Variants in SLC12A7 observed in about 807,000 individuals in gnomAD.
SLC12A7 encodes K-Cl cotransporter 4.
In SLC12A7, 100 loss-of-function variants were observed where a neutral mutation model predicts 120.6. The ratio of observed to expected loss-of-function variants is 0.83; its 90% CI spans 0.71 to 0.98. The LOEUF (loss-of-function observed/expected upper bound fraction) is 0.98, where lower values mean the gene tolerates loss of function less well. Ranked by LOEUF, SLC12A7 falls within the 50% of genes least tolerant of loss-of-function variation. The pLI is 0.00. For missense variants in SLC12A7, 1,373 were observed against 1,548.1 expected (o/e 0.89, Z 1.90); for synonymous variants, 760 against 678.0 (o/e 1.12, Z -1.88).
the SLC12A7 span, among the ~76,000 whole-genome samples, chr5:1,122,743 C>CCAGCATCTCTTTCAT: frequency 6.6e-6 from 1 of 152,232 alleles, no homozygotes; most frequent in African/African-American, 2.4e-5. Context: ...GTAGCCCGTG[C>CCAGCATCTCTTTCAT]CAGCATCTCT....
At chr5:1,154,517 C>A in the SLC12A7 span, among the ~76,000 whole-genome samples, 1 of 151,990 alleles carries the variant, frequency 6.6e-6, no homozygotes, top group African/African-American at 2.4e-5. Flanking sequence ...ATACACATAC[C>A]ACACAGCACA....
At position 1,064,071 on chromosome 5, in the gene SLC12A7, C is replaced by T. The variant is rs761510641; in HGVS notation, c.2607+12G>A. 45 of 1,602,500 alleles carry T rather than the reference C, an allele frequency of 2.8e-5. No individual in the cohort carries two copies. Among genetic ancestry groups the T allele is most frequent in the Non-Finnish European group, 3.7e-5 (43 of 1,173,398 alleles). On this transcript the variant is annotated intron_variant, in intron 19 of 23. Transcript: ENST00000264930. Reference sequence around the variant, plus strand: ...CGTGCTCCGGCTGGCGTGTCCCCGTCGCACGCCCCACCTTGTGCTGGCGCA... The same window carrying T: ...CGTGCTCCGGCTGGCGTGTCCCCGTTGCACGCCCCACCTTGTGCTGGCGCA...
intron 20 of SLC12A7, among the ~76,000 whole-genome samples, chr5:1,061,042 T>C (rs552970124): frequency 0.011 from 1,403 of 122,346 alleles, 43 homozygotes; most frequent in African/African-American, 0.047. Context: ...CCGTGCGGGA[T>C]CCCTGAGTCT....
the SLC12A7 span, among the ~76,000 whole-genome samples, chr5:1,138,379 T>C: frequency 6.6e-6 from 1 of 152,212 alleles, no homozygotes; most frequent in Non-Finnish European, 1.5e-5. Context: ...GCTCCATTTT[T>C]ACAGAGTGCT....
rs535838654 is a variant in SLC12A7, at chr5:1,100,502, G to A, written c.125-6254C>T. Among the ~76,000 whole-genome samples, 14 of 152,348 alleles carry A rather than the reference G, an allele frequency of 9.2e-5. No homozygotes were observed. The South Asian group carries it at 1.0e-3, about 11-fold the overall frequency. On this transcript the variant is annotated intron_variant, in intron 1 of 23. Transcript: ENST00000264930. ...CAAAGGCAAGCCCATCTGCGGATCCGACAGTGGGAACCAAAACCAAACGAG... is the reference window on the plus strand; with the variant it reads ...CAAAGGCAAGCCCATCTGCGGATCCAACAGTGGGAACCAAAACCAAACGAG...
intron 7 of SLC12A7, among the ~76,000 whole-genome samples, chr5:1,084,813 G>C (rs1202442719): frequency 1.3e-5 from 2 of 152,104 alleles, no homozygotes; most frequent in Non-Finnish European, 2.9e-5. Flanking sequence ...CAGGACCCTG[G>C]GCCGCCTCCC....
At position 1,057,625 on chromosome 5, in the gene SLC12A7, T is replaced by C. The variant is rs1735762293; in HGVS notation, c.2872A>G (p.Thr958Ala). 6.2e-7 allele frequency: 1 copy of C among 1,602,614 alleles called. No individual in the cohort carries two copies. Among genetic ancestry groups the C allele is most frequent in the Non-Finnish European group, 8.5e-7 (1 of 1,179,498 alleles). The change falls in exon 22 of 24, where the codon ACC (threonine) becomes GCC (alanine). Residue 958 changes from threonine to alanine, a missense_variant. Physicochemically the swap from Thr to Ala is moderately conservative, Grantham distance 58. Transcript: ENST00000264930. ...GCTGCCGCCGCGGTGTGGGACGCGG[T>C]GTTCCTGTCGTGGATCAGCTGGGCC... The part of the protein sequence containing the change: ...REAQLIHDRN[T>A]ASHTAAAART...
chr5:1,076,253 C>T lies in SLC12A7; in HGVS notation c.1749-17G>A. On this transcript the variant is annotated splice_polypyrimidine_tract_variant and intron_variant, in intron 13 of 23. Coordinates refer to ENST00000264930, the MANE Select transcript of SLC12A7 (RefSeq NM_006598.3). ...AGGAAGAACCTGCAGGGACGGCCGG[C>T]CACTGATACGGGCCCACTGGGCCCC... 1 of 1,589,820 alleles carries T rather than the reference C, an allele frequency of 6.3e-7. No homozygotes were observed. Among genetic ancestry groups the T allele is most frequent in the East Asian group, 2.3e-5 (1 of 43,760 alleles).
chr5:1,134,326 C>T, the SLC12A7 span, among the ~76,000 whole-genome samples: 7,481 of 151,980 alleles, frequency 0.049, 239 homozygotes, highest in East Asian at 0.13. Flanking sequence ...AAAAATCAGC[C>T]GGGTGTGGTG....
At chr5:1,052,491 G>T in intron 23 of SLC12A7, 40 bp from the exon 24 acceptor site, 1 of 1,517,412 alleles carries the variant, frequency 6.6e-7, no homozygotes, top group Non-Finnish European at 9.1e-7. Flanking sequence ...GATCTTACCT[G>T]AGCGTGTGTA....
At chr5:1,136,427 T>C in the SLC12A7 span, among the ~76,000 whole-genome samples, 11,333 of 89,810 alleles carry the variant, frequency 0.13, 116 homozygotes, top group African/African-American at 0.27. Flanking sequence ...CAGGCACACG[T>C]GTGCTCAGAC....
In SLC12A7 at chr5:1,057,969, C is replaced by T. The variant is rs905233712; in HGVS notation, c.2848-320G>A. 2.6e-5 allele frequency among the ~76,000 whole-genome samples: 4 copies of T among 152,348 alleles called. No individual in the cohort carries two copies. The East Asian group carries it at 7.7e-4, about 29-fold the overall frequency. On this transcript the variant is annotated intron_variant, in intron 21 of 23. Coordinates refer to ENST00000264930, the MANE Select transcript of SLC12A7 (RefSeq NM_006598.3). ...CCCCCTCACCTGACGGGGCTCCACA[C>T]ACGTGTTCACCCCAGACCACCTGCT...
chr5:1,149,663 C>G, the SLC12A7 span, among the ~76,000 whole-genome samples: 30 of 152,282 alleles, frequency 2.0e-4, no homozygotes, highest in African/African-American at 5.8e-4. Context: ...TGTTGATTTG[C>G]ATTTCTCTAG....
At chr5:1,114,506 G>A (rs1012861699), upstream of SLC12A7, among the ~76,000 whole-genome samples, 2 of 152,094 alleles carry the variant, frequency 1.3e-5, no homozygotes, top group African/African-American at 4.8e-5. Flanking sequence ...CCGTGTCCAC[G>A]TATATCCTCC....
intron 3 of SLC12A7, among the ~76,000 whole-genome samples, chr5:1,090,513 C>T (rs938479261): frequency 3.9e-5 from 6 of 152,140 alleles, no homozygotes; most frequent in Non-Finnish European, 7.4e-5. Context: ...ACGAGAGAAG[C>T]GGTGGCGGAT....
intron 6 of SLC12A7, among the ~76,000 whole-genome samples, chr5:1,085,912 C>CA (rs1178103011): frequency 1.3e-5 from 2 of 152,252 alleles, no homozygotes; most frequent in Admixed American, 6.5e-5. Flanking sequence ...ACGTCCTGGA[C>CA]ACACACAGGG....
intron 2 of SLC12A7, 68 bp downstream of exon 2, chr5:1,094,086 G>A: frequency 1.5e-6 from 2 of 1,352,204 alleles, no homozygotes; most frequent in Non-Finnish European, 1.1e-6. Context: ...GGGCCCCCAG[G>A]GGCTCCTTTA....
chr5:1,086,822 C>T, intron 6 of SLC12A7, 81 bp downstream of exon 6: 1 of 1,555,498 alleles, frequency 6.4e-7, no homozygotes, highest in Non-Finnish European at 8.8e-7. Flanking sequence ...GCTGTGTGTG[C>T]CACAGAGTGG....
At chr5:1,106,451 C>CA (rs36005053) in intron 1 of SLC12A7, among the ~76,000 whole-genome samples, 54 of 81,714 alleles carry the variant, frequency 6.6e-4, no homozygotes, top group East Asian at 1.1e-3. Context: ...AACTCTGTCT[C>CA]AAAAAAAAAA....
Sources: allele counts gnomAD v4.1 joint callset (sites outside exome capture counted in the v4.1 genomes callset), GRCh38; gene constraint gnomAD v4.1.1; transcripts MANE v1.5; gene names NCBI Gene and HGNC (gene_info 2026-07-23, HGNC 2026-07-21).